Variants in ADGRV1 observed in about 807,000 individuals in gnomAD.
ADGRV1 encodes G-protein coupled receptor 98.
A neutral mutation model predicts 596.2 loss-of-function variants in ADGRV1; 359 were observed. The observed-to-expected ratio is 0.60, with a 90% confidence interval of 0.55 to 0.66. ADGRV1 has a LOEUF of 0.66. Among genes scored for constraint, ADGRV1 ranks in the 30% least tolerant of loss-of-function variants. The pLI, the probability that ADGRV1 is intolerant of heterozygous loss-of-function variation, is 0.00. For synonymous variants in ADGRV1, 2,681 were observed against 2,679.2 expected, an observed-to-expected ratio of 1.00 and a Z score of -0.02; for missense variants, 7,274 against 7,575.6, an observed-to-expected ratio of 0.96 and a Z score of 1.48.
chr5:91,019,115 TATC>T lies in ADGRV1; in HGVS notation c.18152+33596_18152+33598del, dbSNP rs759015210. Among the ~76,000 whole-genome samples the T allele has an allele frequency of 7.9e-5, 12 of 152,084 alleles. No homozygotes were observed. The East Asian group carries it at 2.1e-3, about 27-fold the overall frequency. Reference sequence around the variant, plus strand: ...TGGATTCAATATCCACGCCTGAACTTATCATTGTGGCTAGGAGAGCAGATAACA... The same window carrying T: ...TGGATTCAATATCCACGCCTGAACTTATTGTGGCTAGGAGAGCAGATAACA... On this transcript the variant is annotated intron_variant, in intron 85 of 89. Coordinates refer to ENST00000405460, the MANE Select transcript of ADGRV1 (RefSeq NM_032119.4).
intron 87 of ADGRV1, among the ~76,000 whole-genome samples, chr5:91,145,685 G>A (rs1460759338): frequency 6.6e-6 from 1 of 150,972 alleles, no homozygotes; most frequent in Non-Finnish European, 1.5e-5. Flanking sequence ...GGAAATACAT[G>A]TTTGTTTACT....
At chr5:90,596,820 C>T (rs150605431) in intron 1 of ADGRV1, among the ~76,000 whole-genome samples, 2,721 of 144,198 alleles carry the variant, frequency 0.019, 40 homozygotes, top group Non-Finnish European at 0.031. Context: ...AGGGCGAGGG[C>T]GAGGGAGAGG....
At chr5:90,672,833 A>T (rs569003016) in intron 22 of ADGRV1, 111 bp downstream of exon 22, 40 of 761,174 alleles carry the variant, frequency 5.3e-5, no homozygotes, top group Non-Finnish European at 8.0e-5. Flanking sequence ...TCCCATTATT[A>T]TTTACAACTG....
At chr5:91,010,789 AATTT>A (rs61242219) in intron 85 of ADGRV1, among the ~76,000 whole-genome samples, 20,863 of 151,860 alleles carry the variant, frequency 0.14, 1,497 homozygotes, top group East Asian at 0.26. Flanking sequence ...AAATTTTTGA[AATTT>A]ATTTAATAAT....
intron 53 of ADGRV1, among the ~76,000 whole-genome samples, chr5:90,752,860 C>T (rs1190633139): frequency 1.3e-5 from 2 of 152,070 alleles, no homozygotes; most frequent in Non-Finnish European, 2.9e-5. Flanking sequence ...ATTGCCTTTT[C>T]CAGGTGGAAA....
At chr5:90,753,994 T>C (rs1244899167) in intron 54 of ADGRV1, among the ~76,000 whole-genome samples, 165 bp downstream of exon 54, 1 of 152,182 alleles carries the variant, frequency 6.6e-6, no homozygotes, top group East Asian at 1.9e-4. Context: ...GGTAATCATG[T>C]GAAATTACCT....
At chr5:90,846,305 G>A (rs1325601019) in intron 78 of ADGRV1, 3 of 152,150 alleles carry the variant, frequency 2.0e-5, no homozygotes, top group Non-Finnish European at 4.4e-5. Context: ...TACAAAGAGA[G>A]TGATAATGTA....
At chr5:91,044,052 T>C (rs1173212231) in intron 85 of ADGRV1, among the ~76,000 whole-genome samples, 2 of 152,070 alleles carry the variant, frequency 1.3e-5, no homozygotes, top group African/African-American at 4.8e-5. Context: ...CAACAAATAT[T>C]TGGAGAATGA....
rs752593621 is a variant in ADGRV1, at chr5:90,674,156, A to C, written c.5032A>C (p.Thr1678Pro). 1.2e-6 allele frequency: 2 copies of C among 1,613,298 alleles called. No homozygotes were observed. The highest frequency in any genetic ancestry group is 1.6e-4 in the Middle Eastern group (1 of 6,082). ...AIPGDGKLGS[T>P]PTSGASIDPE... is the part of the protein sequence containing the mutation. ...TCCTGGAGATGGGAAGCTAGGCTCA[A>C]CTCCTACCAGTGGTGCAAGCATAGA... is the stretch of plus-strand genomic sequence containing the variant. The change falls in exon 23 of 90, where the codon ACT becomes CCT. Residue 1678 changes from threonine (T) to proline (P), a missense_variant. By Grantham distance (38) the Thr-to-Pro change is conservative. Around this residue, in one of 5 missense-constraint regions of ADGRV1, gnomAD observed 3,643 missense variants for 3,809.2 expected, o/e 0.96. Coordinates refer to ENST00000405460, the MANE Select transcript of ADGRV1 (RefSeq NM_032119.4).
intron 85 of ADGRV1, among the ~76,000 whole-genome samples, chr5:91,007,418 T>A (rs557539992): frequency 1.3e-5 from 2 of 152,256 alleles, no homozygotes; most frequent in Admixed American, 1.3e-4. Flanking sequence ...CTTCCTTTTC[T>A]CTCCCCTGGG....
At chr5:90,826,998 G>C (rs1391069658) in intron 76 of ADGRV1, among the ~76,000 whole-genome samples, 2 of 152,096 alleles carry the variant, frequency 1.3e-5, no homozygotes, top group African/African-American at 4.8e-5. Flanking sequence ...AATGTAAAAG[G>C]TAACAACTTA....
rs1316365905 is a variant in ADGRV1, at chr5:90,595,185, G to A, written c.23-19650G>A. On this transcript the variant is annotated intron_variant, in intron 1 of 89. Coordinates refer to ENST00000405460, the MANE Select transcript of ADGRV1 (RefSeq NM_032119.4). ...GGGCTGACCCCCCCACCTCCCTCCCGGACTGGGCGGCTGGCCGGGCGGGGG... is the reference window on the plus strand; with the variant it reads ...GGGCTGACCCCCCCACCTCCCTCCCAGACTGGGCGGCTGGCCGGGCGGGGG... Among the ~76,000 whole-genome samples, 18 of 73,556 alleles carry A rather than the reference G, an allele frequency of 2.4e-4. No individual in the cohort carries two copies. In the South Asian group the frequency reaches 6.2e-3, roughly 25 times the overall value. The allele number at this position is 73,556 out of a possible 152,430, so 48.3% of individuals were successfully genotyped here.
chr5:90,637,642 C>T (rs1766390266), intron 10 of ADGRV1, 83 bp from the exon 11 acceptor site: 1 of 976,572 alleles, frequency 1.0e-6, no homozygotes, highest in African/African-American at 1.6e-5. Context: ...AATATATGTA[C>T]AAACTAATAT....
chr5:90,725,342 A>T lies in ADGRV1; in HGVS notation c.10053+110A>T, dbSNP rs1040193277. On this transcript the variant is annotated intron_variant, in intron 47 of 89. Coordinates refer to ENST00000405460, the MANE Select transcript of ADGRV1 (RefSeq NM_032119.4). ...ATGTTTTATGTTAATGTGAAAAAGG[A>T]CTTTTTGTGAGTTGATATACATTTT... is the stretch of plus-strand genomic sequence containing the variant. 6 of 814,072 alleles carry T rather than the reference A, an allele frequency of 7.4e-6. No individual in the cohort carries two copies. The African/African-American group carries it at 1.1e-4, about 15-fold the overall frequency. 50.4% of individuals were successfully genotyped at this position (814,072 alleles called of 1,614,324 possible).
Position 90,805,449 on chromosome 5 carries a change from C to A in ADGRV1, c.14827C>A (p.Pro4943Thr). 1 of 1,582,424 alleles carries A rather than the reference C, an allele frequency of 6.3e-7. No individual in the cohort carries two copies. Among genetic ancestry groups the A allele is most frequent in the Non-Finnish European group, 8.7e-7 (1 of 1,155,996 alleles). Residue 4943 changes from proline to threonine, a missense_variant, in exon 72 of 90, where the codon CCA becomes ACA. Around this residue, in one of 5 missense-constraint regions of ADGRV1, gnomAD observed 1,874 missense variants for 1,970.2 expected, o/e 0.95. Transcript: ENST00000405460. ...ATTCATTGTTGTTGGCAACATGACC[C>A]CAACACTGGGTGAGTTGTAGTTTTT... ...PEFIVVGNMT[P>T]TLGSLSFSHG...
intron 64 of ADGRV1, 93 bp from the exon 65 acceptor site, chr5:90,781,337 G>T (rs1343522416): frequency 4.5e-6 from 4 of 896,006 alleles, no homozygotes; most frequent in Non-Finnish European, 7.3e-6. Context: ...TAAGTTGTAG[G>T]AGCTAAGAGG....
At chr5:90,885,374 A>G (rs1561894958) in intron 83 of ADGRV1, among the ~76,000 whole-genome samples, 1 of 152,196 alleles carries the variant, frequency 6.6e-6, no homozygotes, top group Non-Finnish European at 1.5e-5. Context: ...ACAGATAGCA[A>G]TCTGTTGGAT....
chr5:90,874,045 A>G (rs977736011), intron 83 of ADGRV1, among the ~76,000 whole-genome samples: 1 of 152,196 alleles, frequency 6.6e-6, no homozygotes, highest in South Asian at 2.1e-4. Flanking sequence ...ATTGACTCTA[A>G]TCATTTTCCC....
chr5:90,769,891 A>G (rs1757511649), intron 59 of ADGRV1, among the ~76,000 whole-genome samples: 3 of 152,276 alleles, frequency 2.0e-5, no homozygotes, highest in Admixed American at 1.3e-4. Flanking sequence ...TACTCTCTAC[A>G]TATTACGAAT....
Sources: gnomAD v4.1 joint callset for allele counts (sites outside exome capture counted in the v4.1 genomes callset) on GRCh38, gnomAD v4.1.1 for gene constraint, gnomAD v4.1.1 regional missense constraint, MANE v1.5 for transcripts, NCBI Gene and HGNC (gene_info 2026-07-23, HGNC 2026-07-21) for gene names.